Variants in SYNGR1 observed in about 807,000 individuals in gnomAD.
SYNGR1 encodes the protein synaptogyrin 1.
SYNGR1 carries 14 observed loss-of-function variants against 26.1 expected under a neutral mutation model. The ratio of observed to expected loss-of-function variants is 0.54; its 90% CI spans 0.35 to 0.84. The LOEUF is 0.84. Ranked by LOEUF, SYNGR1 falls within the 40% of genes least tolerant of loss-of-function variation. The probability of loss-of-function intolerance (pLI) is 0.01; values close to 1 mark genes in which losing one functional copy is unlikely to be tolerated. For missense variants in SYNGR1, 319 were observed against 332.9 expected (o/e 0.96, Z 0.33); for synonymous variants, 141 against 150.1 (o/e 0.94, Z 0.44).
Position 39,382,092 on chromosome 22 carries a change from T to C in SYNGR1, c.*178T>C. On this transcript the variant is annotated 3_prime_UTR_variant, in exon 4 of 4. Coordinates refer to ENST00000328933, the MANE Select transcript of SYNGR1 (RefSeq NM_004711.5). Reference sequence around the variant, plus strand: ...TCCAGTGTTGGGGACTGTCTACGTATGTGCAAGTATATCCCAGGGCATGTG... The same window carrying C: ...TCCAGTGTTGGGGACTGTCTACGTACGTGCAAGTATATCCCAGGGCATGTG... 1.5e-6 allele frequency: 1 copy of C among 676,522 alleles called. No individual in the cohort carries two copies. The highest frequency in any genetic ancestry group is 2.7e-5 in the East Asian group (1 of 36,788). 41.9% of individuals were successfully genotyped at this position (676,522 alleles called of 1,614,324 possible).
chr22:39,367,838 A>C (rs1462740372), intron 1 of SYNGR1, among the ~76,000 whole-genome samples: 1 of 151,676 alleles, frequency 6.6e-6, no homozygotes. Context: ...AAAAAAAAAA[A>C]AAAACAAAGT....
chr22:39,353,674 G>A (rs1044258521), intron 1 of SYNGR1, among the ~76,000 whole-genome samples: 3 of 152,216 alleles, frequency 2.0e-5, no homozygotes, highest in African/African-American at 7.2e-5. Flanking sequence ...TCTGTTGCGC[G>A]GTGACTGCCG....
intron 1 of SYNGR1, among the ~76,000 whole-genome samples, chr22:39,373,454 C>G (rs1022158351): frequency 1.3e-5 from 2 of 151,936 alleles, no homozygotes; most frequent in African/African-American, 4.8e-5. Context: ...GCGTGAGCGA[C>G]CACGCCTGGC....
In SYNGR1 at chr22:39,377,677, C is replaced by T. The variant is rs1344473187; in HGVS notation, c.483+1480C>T. 18 of 1,613,636 alleles carry T rather than the reference C, an allele frequency of 1.1e-5. No individual in the cohort carries two copies. In the East Asian group the frequency reaches 2.0e-4, roughly 18 times the overall value. On this transcript the variant is annotated intron_variant, in intron 3 of 3. Coordinates refer to ENST00000328933, the MANE Select transcript of SYNGR1 (RefSeq NM_004711.5). ...GAGTACAGCACACTGTTCCCTGCCTCGGCACAGCCGTAGGCCTCCCCGGCT... is the reference window on the plus strand; with the variant it reads ...GAGTACAGCACACTGTTCCCTGCCTTGGCACAGCCGTAGGCCTCCCCGGCT...
At chr22:39,358,715 C>T (rs1924307095) in intron 1 of SYNGR1, among the ~76,000 whole-genome samples, 1 of 152,174 alleles carries the variant, frequency 6.6e-6, no homozygotes, top group Non-Finnish European at 1.5e-5. Context: ...ACCTTAAGAG[C>T]TGTAACACTC....
At chr22:39,364,889 A>G (rs1924660825) in intron 1 of SYNGR1, among the ~76,000 whole-genome samples, 1 of 152,120 alleles carries the variant, frequency 6.6e-6, no homozygotes, top group Non-Finnish European at 1.5e-5. Context: ...TGAGTTTGAC[A>G]TAGATCTCCA....
rs776114923 is a variant in SYNGR1, at chr22:39,384,927, C to T, written c.*3013C>T. On this transcript the variant is annotated 3_prime_UTR_variant, in exon 4 of 4. Transcript: ENST00000328933. ...GCCTTCTGAGTTGGCTCATCCTGGG[C>T]AGTCACAGACTGTCCTGCCTGCACG... 5.0e-6 allele frequency: 2 copies of T among 398,788 alleles called. No individual in the cohort carries two copies. The highest frequency in any genetic ancestry group is 2.1e-5 in the African/African-American group (1 of 48,636). 24.7% of individuals were successfully genotyped at this position (398,788 alleles called of 1,614,324 possible).
Position 39,359,720 on chromosome 22 carries a change from T to A in SYNGR1, c.99+9611T>A, listed in dbSNP as rs111500271. 2.1e-3 allele frequency among the ~76,000 whole-genome samples: 324 copies of A among 151,774 alleles called. 2 individuals carry two copies. The highest frequency in any genetic ancestry group is 7.6e-3 in the African/African-American group (313 of 41,368). On this transcript the variant is annotated intron_variant, in intron 1 of 3. Coordinates refer to ENST00000328933, the MANE Select transcript of SYNGR1 (RefSeq NM_004711.5). ...ACTGCTCCTGCTCCAGTCCTGGTCATTGGAGTGTCTATTTCTGTGACCCTT... is the reference window on the plus strand; with the variant it reads ...ACTGCTCCTGCTCCAGTCCTGGTCAATGGAGTGTCTATTTCTGTGACCCTT...
chr22:39,364,262 C>T (rs200429015), intron 1 of SYNGR1: 43 of 1,613,914 alleles, frequency 2.7e-5, no homozygotes, highest in South Asian at 1.6e-4. Context: ...ACACAGAGGT[C>T]GTGGGTGAGC....
rs148231334 is a variant in SYNGR1 at position 39,381,809 on chromosome 22, C to T, written c.597C>T (p.Tyr199=). Residue 199 remains tyrosine (Y), a synonymous_variant, in exon 4 of 4, where the codon TAC becomes TAT. Transcript: ENST00000328933. ...SQDSSMPYAP[Y]VEPTGPDPAG... is the part of the protein sequence containing the mutation. ...ACTCCAGCATGCCTTACGCGCCCTA[C>T]GTGGAGCCCACTGGGCCGGATCCCG... 25 of 1,523,246 alleles carry T rather than the reference C, an allele frequency of 1.6e-5. No homozygotes were observed. The highest frequency in any genetic ancestry group is 2.5e-5 in the East Asian group (1 of 39,724). The allele number at this position is 1,523,246 out of a possible 1,614,324, so 94.4% of individuals were successfully genotyped here.
Position 39,350,156 on chromosome 22 carries a change from G to T in SYNGR1, c.99+47G>T, listed in dbSNP as rs528761894. 3.0e-6 allele frequency: 4 copies of T among 1,328,126 alleles called. No individual in the cohort carries two copies. In the South Asian group the frequency reaches 4.6e-5, roughly 15 times the overall value. 82.3% of individuals were successfully genotyped at this position (1,328,126 alleles called of 1,614,324 possible). A position where few individuals can be genotyped will look rare whatever the true frequency, so the allele number is the denominator to read the frequency against. ...GCTCTGCCAGGCCGGGGTGGTGGGGGTGTGAGCAAAGGCGGCGCGCCCGGA... is the reference window on the plus strand; with the variant it reads ...GCTCTGCCAGGCCGGGGTGGTGGGGTTGTGAGCAAAGGCGGCGCGCCCGGA... On this transcript the variant is annotated intron_variant, in intron 1 of 3. Coordinates refer to ENST00000328933, the MANE Select transcript of SYNGR1 (RefSeq NM_004711.5). The surrounding 1 kb of genome is among the most constrained non-coding windows in gnomAD (Gnocchi z 4.3).
intron 1 of SYNGR1, among the ~76,000 whole-genome samples, chr22:39,367,253 G>C (rs985960143): frequency 2.0e-5 from 3 of 152,196 alleles, no homozygotes; most frequent in Admixed American, 6.5e-5. Context: ...TTGAGTGAAC[G>C]AACGGCTGAT....
In SYNGR1 at chr22:39,350,119, G is replaced by T. The variant is rs745565617; in HGVS notation, c.99+10G>T. On this transcript the variant is annotated intron_variant, in intron 1 of 3. Coordinates refer to ENST00000328933, the MANE Select transcript of SYNGR1 (RefSeq NM_004711.5). This position sits in a 1 kb window ranked among gnomAD's most constrained non-coding sequence, Gnocchi z 4.3. ...GCGCGTCGTGTCTTGGGTAAGGACG[G>T]ACTGGCCGACGGCTCTGCCAGGCCG... The T allele has an allele frequency of 1.4e-6, 2 of 1,434,288 alleles. No homozygotes were observed. The highest frequency in any genetic ancestry group is 1.9e-6 in the Non-Finnish European group (2 of 1,078,176). 88.8% of individuals were successfully genotyped at this position (1,434,288 alleles called of 1,614,324 possible). A position where few individuals can be genotyped will look rare whatever the true frequency, so the allele number is the denominator to read the frequency against.
At chr22:39,366,718 C>G (rs755425600) in intron 1 of SYNGR1, among the ~76,000 whole-genome samples, 1 of 152,186 alleles carries the variant, frequency 6.6e-6, no homozygotes, top group Non-Finnish European at 1.5e-5. Flanking sequence ...CCAGGCCTGT[C>G]CCTCACTTGG....
Position 39,381,697 on chromosome 22 carries a change from C to T in SYNGR1, c.485C>T (p.Ala162Val), listed in dbSNP as rs376781457. The T allele has an allele frequency of 9.9e-6, 16 of 1,613,214 alleles. No individual in the cohort carries two copies. The highest frequency in any genetic ancestry group is 6.7e-5 in the African/African-American group (5 of 74,918). The change falls in exon 4 of 4, where the codon GCG becomes GTG. Residue 162 changes from alanine to valine, a missense_variant and splice_region_variant. Transcript: ENST00000328933. ...AFSFFSIFTW[A>V]GQAVLAFQRY... ...GTCCTCGCCGGCCTTTGTCCCCAGG[C>T]GGGCCAGGCTGTGCTGGCCTTCCAG...
intron 1 of SYNGR1, among the ~76,000 whole-genome samples, chr22:39,354,005 A>C (rs1308127067): frequency 1.3e-5 from 2 of 152,134 alleles, no homozygotes; most frequent in Admixed American, 1.3e-4. Flanking sequence ...CTGGGATTAC[A>C]GGCACCCACC....
chr22:39,374,250 C>G, intron 1 of SYNGR1, 66 bp from the exon 2 acceptor site: 1 of 1,517,984 alleles, frequency 6.6e-7, no homozygotes, highest in Non-Finnish European at 9.1e-7. Context: ...TGGCAGCCTC[C>G]CCGTCCCCTG....
chr22:39,356,057 T>C (rs1487357660), intron 1 of SYNGR1, among the ~76,000 whole-genome samples: 1 of 151,766 alleles, frequency 6.6e-6, no homozygotes, highest in Non-Finnish European at 1.5e-5. Context: ...GAAAAGAAAA[T>C]GCAAGTTATT....
chr22:39,353,290 C>T (rs934485376), intron 1 of SYNGR1, among the ~76,000 whole-genome samples: 14 of 152,196 alleles, frequency 9.2e-5, no homozygotes, highest in African/African-American at 2.9e-4. Flanking sequence ...AACCCAAGCC[C>T]TCTGAGCCCC....
Sources: gnomAD v4.1 joint callset for allele counts (sites outside exome capture counted in the v4.1 genomes callset) on GRCh38, gnomAD v4.1.1 for gene constraint, Gnocchi (gnomAD v3.1) non-coding constraint, MANE v1.5 for transcripts, NCBI Gene and HGNC (gene_info 2026-07-23, HGNC 2026-07-21) for gene names.